The following CACNA1B variants were observed in gnomAD, a reference collection of about 807,000 sequenced individuals.
The protein encoded by CACNA1B is voltage-dependent N-type calcium channel subunit alpha-1B.
In CACNA1B, 70 loss-of-function variants were observed where a neutral mutation model predicts 247.2. The observed-to-expected ratio is 0.28, with a 90% confidence interval of 0.23 to 0.35. The LOEUF (loss-of-function observed/expected upper bound fraction) is 0.35. CACNA1B is among the 10% of genes least tolerant of loss of function. The pLI, the probability that CACNA1B is intolerant of heterozygous loss-of-function variation, is 1.00. For missense variants in CACNA1B, 2,367 were observed against 3,197.4 expected, an observed-to-expected ratio of 0.74 and a Z score of 6.26; for synonymous variants, 1,231 against 1,294.4, an observed-to-expected ratio of 0.95 and a Z score of 1.05.
At chr9:138,055,381 C>T (rs1008920932) in intron 26 of CACNA1B, among the ~76,000 whole-genome samples, 4 of 152,088 alleles carry the variant, frequency 2.6e-5, no homozygotes, top group African/African-American at 4.8e-5. Flanking sequence ...CCTCTTGCCT[C>T]GGCCTCCTAG....
intron 15 of CACNA1B, among the ~76,000 whole-genome samples, chr9:138,005,825 C>T (rs1226521472): frequency 6.6e-6 from 1 of 152,050 alleles, no homozygotes; most frequent in Non-Finnish European, 1.5e-5. Context: ...GGGCGGATCA[C>T]GAGGTCAGGA....
At chr9:137,892,971 C>T (rs1006322697) in intron 3 of CACNA1B, among the ~76,000 whole-genome samples, 5 of 152,334 alleles carry the variant, frequency 3.3e-5, no homozygotes, top group African/African-American at 9.6e-5. Flanking sequence ...CACACAGATA[C>T]AGGGACACAC....
rs138548647 is a variant in CACNA1B at position 138,013,352 on chromosome 9, C to T, written c.2267+117C>T. On this transcript the variant is annotated intron_variant, in intron 18 of 46. Coordinates refer to ENST00000371372, the MANE Select transcript of CACNA1B (RefSeq NM_000718.4). ...TTCCTCAGAGGGCCTCTGGCCTTGG[C>T]GGGTGAGGACACAGCCCCTCCTCGG... The T allele has an allele frequency of 2.6e-4, 175 of 673,166 alleles. No individual in the cohort carries two copies. In the East Asian group the frequency reaches 3.6e-3, roughly 14 times the overall value. The allele number at this position is 673,166 out of a possible 1,614,324, so 41.7% of individuals were successfully genotyped here. A position where few individuals can be genotyped will look rare whatever the true frequency, so the allele number is the denominator to read the frequency against.
chr9:137,917,248 G>A lies in CACNA1B; in HGVS notation c.783G>A (p.Glu261=). The part of the protein sequence containing the change: ...KACFPNSTDA[E]PVGDFPCGKE... ...TCATTCTCCTTCTTGCAGATGCGGA[G>A]CCCGTGGGTGACTTCCCCTGTGGCA... The change falls in exon 6 of 47, where the codon GAG becomes GAA. Residue 261 remains glutamate, a synonymous_variant. Coordinates refer to ENST00000371372, the MANE Select transcript of CACNA1B (RefSeq NM_000718.4). This position sits in a 1 kb window ranked among gnomAD's most constrained non-coding sequence, Gnocchi z 5.5. 1 of 1,612,640 alleles carries A rather than the reference G, an allele frequency of 6.2e-7. No individual in the cohort carries two copies. The highest frequency in any genetic ancestry group is 8.5e-7 in the Non-Finnish European group (1 of 1,179,176).
At chr9:137,999,299 A>G (rs1310673372) in intron 15 of CACNA1B, among the ~76,000 whole-genome samples, 1 of 152,216 alleles carries the variant, frequency 6.6e-6, no homozygotes, top group Non-Finnish European at 1.5e-5. Flanking sequence ...TCATTTAGAT[A>G]AGCAGGCACC....
intron 3 of CACNA1B, among the ~76,000 whole-genome samples, chr9:137,885,821 G>GT (rs1409683893): frequency 7.8e-6 from 1 of 128,598 alleles, no homozygotes; most frequent in African/African-American, 3.0e-5. Context: ...GGGAGCAGCT[G>GT]TGGGGCCTGG....
At chr9:137,964,747 T>G (rs1958055870) in intron 10 of CACNA1B, among the ~76,000 whole-genome samples, 2 of 152,170 alleles carry the variant, frequency 1.3e-5, no homozygotes, top group South Asian at 4.2e-4. Flanking sequence ...GCTGGAGAGG[T>G]GTTGTGGTCA....
intron 6 of CACNA1B, among the ~76,000 whole-genome samples, chr9:137,920,686 T>G (rs1489045819): frequency 6.6e-6 from 1 of 152,244 alleles, no homozygotes; most frequent in Non-Finnish European, 1.5e-5. Context: ...TTTATGATTA[T>G]GCACGTATGC....
chr9:138,076,124 T>G (rs1030236549), intron 35 of CACNA1B, among the ~76,000 whole-genome samples: 2 of 152,168 alleles, frequency 1.3e-5, no homozygotes, highest in African/African-American at 4.8e-5. Context: ...CAGAACAGGC[T>G]GAAGGGAAGC....
chr9:138,087,003 A>T (rs948210229), intron 36 of CACNA1B, among the ~76,000 whole-genome samples: 1 of 150,818 alleles, frequency 6.6e-6, no homozygotes, highest in Non-Finnish European at 1.5e-5. Flanking sequence ...AGAAATCAGT[A>T]ACAAGGGGAG....
intron 6 of CACNA1B, among the ~76,000 whole-genome samples, chr9:137,922,059 C>T (rs1381515179): frequency 1.4e-5 from 2 of 147,176 alleles, no homozygotes; most frequent in Non-Finnish European, 3.0e-5. Context: ...CACGACCGCA[C>T]AGCATCCTGG....
chr9:138,078,293 C>A, intron 36 of CACNA1B, 35 bp downstream of exon 36: 1 of 1,603,192 alleles, frequency 6.2e-7, no homozygotes, highest in South Asian at 1.1e-5. Flanking sequence ...CCCAGTGCCA[C>A]GTCTTGTCTC....
chr9:137,990,010 C>T lies in CACNA1B; in HGVS notation c.1974+3156C>T, dbSNP rs1015017294. On this transcript the variant is annotated intron_variant, in intron 15 of 46. Coordinates refer to ENST00000371372, the MANE Select transcript of CACNA1B (RefSeq NM_000718.4). This position sits in a 1 kb window ranked among gnomAD's most constrained non-coding sequence, Gnocchi z 4.5. ...AGCGTCTGGAGACTCACATCATGAA[C>T]TTTTGCTCCAAGAACTACCACGGGA... Among the ~76,000 whole-genome samples, 1 of 152,164 alleles carries T rather than the reference C, an allele frequency of 6.6e-6. No homozygotes were observed. Among genetic ancestry groups the T allele is most frequent in the Non-Finnish European group, 1.5e-5 (1 of 68,024 alleles).
chr9:138,115,474 C>G (rs1961819531), intron 41 of CACNA1B, 78 bp from the exon 42 acceptor site: 3 of 1,474,452 alleles, frequency 2.0e-6, no homozygotes, highest in Non-Finnish European at 9.2e-7. Flanking sequence ...TGCCCCATGC[C>G]ACATGGTCAG....
rs1453815457 is a variant in CACNA1B at position 138,058,032 on chromosome 9, C to A, written c.4107-17C>A. On this transcript the variant is annotated splice_polypyrimidine_tract_variant and intron_variant, in intron 27 of 46. Coordinates refer to ENST00000371372, the MANE Select transcript of CACNA1B (RefSeq NM_000718.4). This position sits in a 1 kb window ranked among gnomAD's most constrained non-coding sequence, Gnocchi z 4.7. ...CCTTTGGGGGTTCCCCTGACACTTGCTCTCCTCTTTGCCCAGGGTGCTGAA... is the reference window on the plus strand; with the variant it reads ...CCTTTGGGGGTTCCCCTGACACTTGATCTCCTCTTTGCCCAGGGTGCTGAA... The A allele has an allele frequency of 6.2e-7, 1 of 1,608,594 alleles. No individual in the cohort carries two copies. The highest frequency in any genetic ancestry group is 8.5e-7 in the Non-Finnish European group (1 of 1,175,060).
chr9:138,062,366 T>G (rs936301876), intron 31 of CACNA1B, among the ~76,000 whole-genome samples: 6 of 152,152 alleles, frequency 3.9e-5, no homozygotes, highest in Admixed American at 2.0e-4. Flanking sequence ...TGAATCCCCA[T>G]GAAGTGATGG....
chr9:137,916,198 AAT>A (rs1957409124), intron 5 of CACNA1B, among the ~76,000 whole-genome samples: 1 of 151,660 alleles, frequency 6.6e-6, no homozygotes, highest in African/African-American at 2.4e-5. Context: ...ACGCCCAGCT[AAT>A]TTTTTGTATT....
intron 36 of CACNA1B, among the ~76,000 whole-genome samples, chr9:138,080,622 G>A (rs1300539649): frequency 6.6e-6 from 1 of 152,162 alleles, no homozygotes; most frequent in Non-Finnish European, 1.5e-5. Context: ...AACAAGAATA[G>A]AAGTGGAGAC....
At chr9:138,035,372 T>C (rs905035281) in intron 20 of CACNA1B, among the ~76,000 whole-genome samples, 1 of 152,048 alleles carries the variant, frequency 6.6e-6, no homozygotes, top group African/African-American at 2.4e-5. Context: ...GGCAAGAGAA[T>C]CTCTTGAACC....
Sources: gnomAD v4.1 joint callset for allele counts (sites outside exome capture counted in the v4.1 genomes callset) on GRCh38, gnomAD v4.1.1 for gene constraint, Gnocchi (gnomAD v3.1) non-coding constraint, MANE v1.5 for transcripts, NCBI Gene and HGNC (gene_info 2026-07-23, HGNC 2026-07-21) for gene names.